Variants in RIMS2 observed in about 807,000 individuals in gnomAD.
RIMS2 encodes the protein regulating synaptic membrane exocytosis protein 2.
Under a neutral mutation model 174.4 loss-of-function variants are expected in RIMS2, and 59 were observed. That is an observed-to-expected ratio of 0.34 (90% CI 0.27 to 0.42). The LOEUF is 0.42. RIMS2 is among the 10% of genes least tolerant of loss of function. The probability of loss-of-function intolerance (pLI) is 1.00; values close to 1 mark genes in which losing one functional copy is unlikely to be tolerated. For synonymous variants in RIMS2, 606 were observed against 572.5 expected, an observed-to-expected ratio of 1.06 and a Z score of -0.84; for missense variants, 1,620 against 1,666.3, an observed-to-expected ratio of 0.97 and a Z score of 0.48.
chr8:104,098,560 A>G (rs1260194043), intron 19 of RIMS2, among the ~76,000 whole-genome samples: 3 of 152,210 alleles, frequency 2.0e-5, no homozygotes, highest in East Asian at 3.8e-4. Flanking sequence ...GTTCTCAGGC[A>G]TATCTATAAA....
At chr8:103,683,115 A>T (rs1338336467) in intron 1 of RIMS2, among the ~76,000 whole-genome samples, 4 of 152,212 alleles carry the variant, frequency 2.6e-5, no homozygotes, top group Admixed American at 2.6e-4. Flanking sequence ...ATCTTAGTCC[A>T]TTTTGTGTTA....
intron 1 of RIMS2, among the ~76,000 whole-genome samples, chr8:103,576,984 C>G (rs1168382337): frequency 2.0e-5 from 3 of 152,028 alleles, no homozygotes; most frequent in Non-Finnish European, 2.9e-5. Flanking sequence ...AGAAGAAAAC[C>G]TAGACAATAA....
intron 19 of RIMS2, among the ~76,000 whole-genome samples, chr8:104,043,843 A>T (rs13277381): frequency 0.38 from 57,699 of 151,332 alleles, 11,263 homozygotes; most frequent in Non-Finnish European, 0.42. Flanking sequence ...TATACAGACA[A>T]TGAAATTATT....
intron 1 of RIMS2, among the ~76,000 whole-genome samples, chr8:103,625,608 T>C (rs1295187737): frequency 6.6e-6 from 1 of 152,104 alleles, no homozygotes; most frequent in Non-Finnish European, 1.5e-5. Flanking sequence ...TAACATAGTA[T>C]GAACCAAAGC....
At chr8:103,961,601 T>G (rs1210462282) in intron 15 of RIMS2, among the ~76,000 whole-genome samples, 1 of 152,150 alleles carries the variant, frequency 6.6e-6, no homozygotes, top group Non-Finnish European at 1.5e-5. Flanking sequence ...GTTTAAAATA[T>G]TTGCCTCATT....
At chr8:103,615,706 C>G (rs1309762879) in intron 1 of RIMS2, among the ~76,000 whole-genome samples, 3 of 152,076 alleles carry the variant, frequency 2.0e-5, no homozygotes, top group Non-Finnish European at 4.4e-5. Flanking sequence ...ACTGACACCA[C>G]AGAAATAAAA....
chr8:103,809,661 T>G (rs1167411823), intron 3 of RIMS2, among the ~76,000 whole-genome samples: 2 of 152,122 alleles, frequency 1.3e-5, no homozygotes, highest in Non-Finnish European at 1.5e-5. Context: ...GCTGTAACCT[T>G]GAGATTCGTC....
intron 19 of RIMS2, among the ~76,000 whole-genome samples, chr8:104,181,393 G>A (rs2098938618): frequency 6.6e-6 from 1 of 151,550 alleles, no homozygotes; most frequent in East Asian, 1.9e-4. Flanking sequence ...TAGGGGCATA[G>A]AGAAAATAAG....
intron 4 of RIMS2, among the ~76,000 whole-genome samples, chr8:103,901,843 C>T (rs954554830): frequency 5.3e-5 from 8 of 152,294 alleles, no homozygotes; most frequent in Non-Finnish European, 8.8e-5. Flanking sequence ...TTGGTCTAAG[C>T]ACATGGGGCC....
chr8:104,195,598 T>G (rs189547473), intron 19 of RIMS2, among the ~76,000 whole-genome samples: 93 of 147,136 alleles, frequency 6.3e-4, no homozygotes, highest in African/African-American at 2.2e-3. Flanking sequence ...CACTGCAACC[T>G]CCGCCTCCTG....
intron 19 of RIMS2, among the ~76,000 whole-genome samples, chr8:104,136,771 G>A (rs34370437): frequency 0.043 from 6,595 of 152,148 alleles, 172 homozygotes; most frequent in Middle Eastern, 0.14. Context: ...CACAGAGAGG[G>A]GAACAAGACA....
chr8:103,813,560 C>T (rs761583972), intron 3 of RIMS2, among the ~76,000 whole-genome samples: 10 of 152,096 alleles, frequency 6.6e-5, no homozygotes, highest in Non-Finnish European at 1.0e-4. Context: ...GCCTCTCCCA[C>T]CCCACGACAG....
chr8:103,578,907 A>G (rs1179829237), intron 1 of RIMS2, among the ~76,000 whole-genome samples: 1 of 151,778 alleles, frequency 6.6e-6, no homozygotes, highest in East Asian at 1.9e-4. Context: ...CAGGAGAATC[A>G]CCCAACTGGA....
At chr8:103,695,725 GT>G (rs1324883990) in intron 1 of RIMS2, among the ~76,000 whole-genome samples, 9 of 149,490 alleles carry the variant, frequency 6.0e-5, no homozygotes, top group Non-Finnish European at 1.2e-4. Flanking sequence ...TGGGTTGACA[GT>G]TTTTTTTTGT....
At chr8:103,925,169 C>T (rs2078522756) in intron 10 of RIMS2, among the ~76,000 whole-genome samples, 1 of 151,566 alleles carries the variant, frequency 6.6e-6, no homozygotes, top group South Asian at 2.1e-4. Flanking sequence ...TCAGAATTCT[C>T]TTTCTGTGGA....
intron 19 of RIMS2, among the ~76,000 whole-genome samples, chr8:104,063,505 A>C (rs1199694440): frequency 6.6e-6 from 1 of 152,204 alleles, no homozygotes; most frequent in East Asian, 1.9e-4. Flanking sequence ...ATATAAAAAT[A>C]GAAGAGATGG....
At chr8:104,213,453 G>A (rs1020695800) in intron 19 of RIMS2, among the ~76,000 whole-genome samples, 1 of 152,108 alleles carries the variant, frequency 6.6e-6, no homozygotes, top group Non-Finnish European at 1.5e-5. Flanking sequence ...GTTAACATCT[G>A]TCTACTCATT....
intron 5 of RIMS2, 63 bp from the exon 9 acceptor site, chr8:103,911,989 CG>C: frequency 7.9e-7 from 1 of 1,264,088 alleles, no homozygotes; most frequent in Non-Finnish European, 1.1e-6. Context: ...TGTCATAAAA[CG>C]ATAAATAAAA....
In RIMS2 at chr8:104,068,506, C is replaced by G. The variant is rs539973532; in HGVS notation, c.3334+53891C>G. 1 of 1,322,882 alleles carries G rather than the reference C, an allele frequency of 7.6e-7. No homozygotes were observed. The highest frequency in any genetic ancestry group is 1.5e-5 in the African/African-American group (1 of 68,856). 81.9% of individuals were successfully genotyped at this position (1,322,882 alleles called of 1,614,324 possible). On this transcript the variant is annotated intron_variant, in intron 19 of 23. Transcript: ENST00000504942. ...TTAATTTTATGGGTTTTTTTCTACT[C>G]GATAGGTACTATGGATATAGAGGAG...
Sources: allele counts gnomAD v4.1 joint callset (sites outside exome capture counted in the v4.1 genomes callset), GRCh38; gene constraint gnomAD v4.1.1; transcripts MANE v1.5; gene names NCBI Gene and HGNC (gene_info 2026-07-23, HGNC 2026-07-21).